Variants in PCDH15 observed in about 807,000 individuals in gnomAD.
The protein encoded by PCDH15 is protocadherin-15.
PCDH15 carries 129 observed loss-of-function variants against 178.5 expected under a neutral mutation model. The observed-to-expected ratio is 0.72, with a 90% CI of 0.63 to 0.84. The LOEUF is 0.84. Ranked by LOEUF, PCDH15 falls within the 40% of genes least tolerant of loss-of-function variation. The probability of loss-of-function intolerance (pLI) is 0.00; values close to 1 mark genes in which losing one functional copy is unlikely to be tolerated. For synonymous variants in PCDH15, 800 were observed against 732.0 expected (o/e 1.09, Z -1.50); for missense variants, 2,230 against 2,099.9 (o/e 1.06, Z -1.21).
chr10:54,900,980 C>T (rs1303555798), intron 2 of PCDH15, among the ~76,000 whole-genome samples: 1 of 152,124 alleles, frequency 6.6e-6, no homozygotes, highest in African/African-American at 2.4e-5. Flanking sequence ...ATCATTTGTG[C>T]TCTAGACCTT....
chr10:55,003,069 A>C, intron 2 of PCDH15, among the ~76,000 whole-genome samples: 1 of 152,246 alleles, frequency 6.6e-6, no homozygotes, highest in Middle Eastern at 3.4e-3. Flanking sequence ...GATATGTTTT[A>C]ACATATGTTG....
At chr10:54,730,095 A>G (rs548507852) in intron 1 of PCDH15, among the ~76,000 whole-genome samples, 2 of 151,774 alleles carry the variant, frequency 1.3e-5, no homozygotes, top group African/African-American at 4.8e-5. Flanking sequence ...AGACACATGC[A>G]TGCATATGTT....
At chr10:55,382,336 A>C (rs2132002847) in intron 2 of PCDH15, among the ~76,000 whole-genome samples, 1 of 152,280 alleles carries the variant, frequency 6.6e-6, no homozygotes, top group Admixed American at 6.5e-5. Flanking sequence ...AGCTAACTTT[A>C]AATAAGAAAA....
chr10:55,146,730 A>G (rs1161702956), intron 2 of PCDH15, among the ~76,000 whole-genome samples: 3 of 151,980 alleles, frequency 2.0e-5, no homozygotes, highest in African/African-American at 7.2e-5. Context: ...TTATTAAAAT[A>G]GACATTTTGA....
At chr10:55,038,622 C>T (rs1840794121) in intron 2 of PCDH15, among the ~76,000 whole-genome samples, 1 of 152,176 alleles carries the variant, frequency 6.6e-6, no homozygotes, top group African/African-American at 2.4e-5. Context: ...CCTTAATAAC[C>T]ATTTGAGTTA....
At chr10:55,076,847 C>A (rs550854566) in intron 2 of PCDH15, among the ~76,000 whole-genome samples, 38 of 146,286 alleles carry the variant, frequency 2.6e-4, no homozygotes, top group African/African-American at 8.7e-4. Context: ...TGGCTCACTG[C>A]AACCTCTGTC....
chr10:55,073,175 T>C (rs112310265), intron 2 of PCDH15, among the ~76,000 whole-genome samples: 18 of 151,982 alleles, frequency 1.2e-4, no homozygotes, highest in African/African-American at 4.1e-4. Flanking sequence ...AGCATTCCCT[T>C]TGAAAACTGG....
intron 35 of PCDH15, among the ~76,000 whole-genome samples, chr10:53,815,759 CTT>C (rs1430959887): frequency 1.3e-5 from 2 of 151,572 alleles, no homozygotes; most frequent in Non-Finnish European, 2.9e-5. Context: ...CAAAAAATAT[CTT>C]TTTCACATTG....
chr10:54,904,170 C>A (rs1334866742), intron 2 of PCDH15, among the ~76,000 whole-genome samples: 1 of 152,034 alleles, frequency 6.6e-6, no homozygotes, highest in African/African-American at 2.4e-5. Context: ...TTGTTTCCCC[C>A]TCTCTTCCTT....
intron 23 of PCDH15, among the ~76,000 whole-genome samples, chr10:53,943,156 C>T (rs1186682445): frequency 6.6e-6 from 1 of 151,998 alleles, no homozygotes; most frequent in East Asian, 1.9e-4. Flanking sequence ...GGAAACAAGA[C>T]GTCTGCAACT....
chr10:55,277,188 G>C (rs1405320247), intron 1 of PCDH15, among the ~76,000 whole-genome samples: 1 of 151,938 alleles, frequency 6.6e-6, no homozygotes, highest in Non-Finnish European at 1.5e-5. Context: ...TTTACAGTTT[G>C]ATTAATATAT....
In PCDH15 at chr10:55,165,392, G is replaced by C. The variant is rs78335861; in HGVS notation, c.-80+1184C>G. ...CACAGAAATGTCTTAGGTACGCAGA[G>C]AAGGACCTATAGCACTTTTAAAACT... On this transcript the variant is annotated intron_variant, in intron 2 of 5. Transcript: ENST00000458638. Among the ~76,000 whole-genome samples the C allele has an allele frequency of 5.5e-3, 836 of 151,924 alleles. 12 individuals carry two copies. The highest frequency in any genetic ancestry group is 0.018 in the African/African-American group (757 of 41,506).
At chr10:54,475,766 T>A (rs952457755) in intron 3 of PCDH15, among the ~76,000 whole-genome samples, 2 of 151,312 alleles carry the variant, frequency 1.3e-5, no homozygotes, top group Non-Finnish European at 3.0e-5. Flanking sequence ...CAGGTAAAGA[T>A]GATGATGATG....
chr10:55,067,949 C>T (rs1841609914), intron 2 of PCDH15, among the ~76,000 whole-genome samples: 2 of 151,734 alleles, frequency 1.3e-5, no homozygotes, highest in African/African-American at 4.8e-5. Flanking sequence ...TTGTTTTTTA[C>T]TGTTGACTTG....
At chr10:54,649,312 C>A (rs2094202820) in intron 2 of PCDH15, among the ~76,000 whole-genome samples, 1 of 152,080 alleles carries the variant, frequency 6.6e-6, no homozygotes, top group African/African-American at 2.4e-5. Flanking sequence ...TAATAAATTA[C>A]ATATATGAAA....
At chr10:54,889,051 T>C (rs1007763128) in intron 3 of PCDH15, among the ~76,000 whole-genome samples, 1 of 151,890 alleles carries the variant, frequency 6.6e-6, no homozygotes, top group Non-Finnish European at 1.5e-5. Flanking sequence ...CATAACAATA[T>C]TACAGGCCAA....
chr10:54,701,806 A>G (rs1437407209), intron 1 of PCDH15, among the ~76,000 whole-genome samples: 2 of 152,112 alleles, frequency 1.3e-5, no homozygotes, highest in Non-Finnish European at 2.9e-5. Context: ...TTTATAAAAC[A>G]AGCTCTTAGA....
At chr10:55,551,332 C>G (rs1841999450) in intron 2 of PCDH15, among the ~76,000 whole-genome samples, 1 of 151,874 alleles carries the variant, frequency 6.6e-6, no homozygotes. Flanking sequence ...TTACTGTTGA[C>G]AATAGCAATT....
intron 28 of PCDH15, among the ~76,000 whole-genome samples, chr10:53,855,292 C>G (rs192589891): frequency 6.6e-6 from 1 of 151,802 alleles, no homozygotes; most frequent in Non-Finnish European, 1.5e-5. Context: ...TAATAGACAA[C>G]GGAATCAGAG....
Sources: gnomAD v4.1 joint callset for allele counts (sites outside exome capture counted in the v4.1 genomes callset) on GRCh38, gnomAD v4.1.1 for gene constraint, MANE v1.5 for transcripts, NCBI Gene and HGNC (gene_info 2026-07-23, HGNC 2026-07-21) for gene names.